The following TAFA4 variants were observed in gnomAD, a reference collection of about 807,000 sequenced individuals.
The protein encoded by TAFA4 is TAFA chemokine like family member 4.
A neutral mutation model predicts 21.1 loss-of-function variants in TAFA4; 20 were observed. The ratio of observed to expected loss-of-function variants is 0.95; its 90% CI spans 0.67 to 1.38. The LOEUF (loss-of-function observed/expected upper bound fraction) is 1.38. Ranked by LOEUF, TAFA4 falls within the 40% of genes most tolerant of loss-of-function variation. The pLI is 0.00. For synonymous variants in TAFA4, 71 were observed against 67.4 expected (o/e 1.05, Z -0.26); for missense variants, 211 against 180.9 (o/e 1.17, Z -0.95).
chr3:68,747,994 C>T (rs1702490575), intron 4 of TAFA4, among the ~76,000 whole-genome samples: 1 of 152,158 alleles, frequency 6.6e-6, no homozygotes, highest in South Asian at 2.1e-4. Context: ...CCTCCACCAT[C>T]ATATCCTTCT....
intron 4 of TAFA4, among the ~76,000 whole-genome samples, chr3:68,739,573 CAT>C (rs1702310321): frequency 6.6e-6 from 1 of 152,132 alleles, no homozygotes; most frequent in Non-Finnish European, 1.5e-5. Flanking sequence ...CACCTGCACT[CAT>C]ATGTTTATCA....
At chr3:68,749,457 T>C (rs554825491) in intron 4 of TAFA4, among the ~76,000 whole-genome samples, 5 of 152,336 alleles carry the variant, frequency 3.3e-5, no homozygotes, top group Admixed American at 6.5e-5. Flanking sequence ...CAGCAGAGAA[T>C]AGGTCTTCTC....
chr3:68,903,197 A>C (rs1489273665), intron 1 of TAFA4, among the ~76,000 whole-genome samples: 1 of 152,146 alleles, frequency 6.6e-6, no homozygotes, highest in African/African-American at 2.4e-5. Flanking sequence ...ACCCACCTAG[A>C]AAACAGGAGC....
chr3:68,797,065 C>A (rs1259650785), intron 3 of TAFA4, among the ~76,000 whole-genome samples: 2 of 152,128 alleles, frequency 1.3e-5, no homozygotes, highest in African/African-American at 2.4e-5. Context: ...TAAAATGGTA[C>A]AACTACTGTA....
intron 3 of TAFA4, among the ~76,000 whole-genome samples, chr3:68,809,626 AATT>A (rs1575618040): frequency 6.6e-6 from 1 of 151,804 alleles, no homozygotes; most frequent in East Asian, 1.9e-4. Flanking sequence ...AGCCAAAAAA[AATT>A]ATTGCCCAGA....
At chr3:68,807,577 C>T (rs2106837923) in intron 3 of TAFA4, among the ~76,000 whole-genome samples, 1 of 152,284 alleles carries the variant, frequency 6.6e-6, no homozygotes, top group East Asian at 1.9e-4. Context: ...ATCTGCAGGG[C>T]ATTCACATAG....
At chr3:68,752,537 G>C (rs1702574998) in intron 4 of TAFA4, among the ~76,000 whole-genome samples, 1 of 152,170 alleles carries the variant, frequency 6.6e-6, no homozygotes, top group African/African-American at 2.4e-5. Context: ...TGAGTAGAGA[G>C]CATAAGAGGA....
At chr3:68,918,738 A>C (rs1229907519) in intron 1 of TAFA4, among the ~76,000 whole-genome samples, 1 of 152,106 alleles carries the variant, frequency 6.6e-6, no homozygotes, top group Admixed American at 6.5e-5. Context: ...ACATGGTTTC[A>C]CCATGTTGCC....
chr3:68,867,229 C>T, intron 3 of TAFA4, among the ~76,000 whole-genome samples: 1 of 152,012 alleles, frequency 6.6e-6, no homozygotes, highest in Admixed American at 6.6e-5. Context: ...AATCGTCTGG[C>T]AACAGACTTC....
intron 3 of TAFA4, among the ~76,000 whole-genome samples, chr3:68,760,255 A>G (rs187895103): frequency 2.3e-3 from 357 of 152,318 alleles, no homozygotes; most frequent in African/African-American, 5.1e-3. Context: ...GCTTAAATAC[A>G]TATCATTTTT....
intron 3 of TAFA4, among the ~76,000 whole-genome samples, chr3:68,871,238 T>A (rs1284580932): frequency 1.3e-5 from 2 of 152,114 alleles, no homozygotes; most frequent in African/African-American, 2.4e-5. Flanking sequence ...ATCATTCTAC[T>A]GTAAAGACAC....
intron 1 of TAFA4, among the ~76,000 whole-genome samples, chr3:68,923,328 G>C (rs550335828): frequency 1.3e-5 from 2 of 152,082 alleles, no homozygotes; most frequent in African/African-American, 4.8e-5. Context: ...GTGACTAAAC[G>C]TGCCTTCCTT....
chr3:68,858,874 C>G (rs913663718), intron 3 of TAFA4, among the ~76,000 whole-genome samples: 2 of 151,732 alleles, frequency 1.3e-5, no homozygotes, highest in Admixed American at 1.3e-4. Context: ...TTTCTTCATT[C>G]TGGAATATCT....
At chr3:68,855,797 C>A (rs1705056324) in intron 3 of TAFA4, among the ~76,000 whole-genome samples, 1 of 151,998 alleles carries the variant, frequency 6.6e-6, no homozygotes, top group South Asian at 2.1e-4. Context: ...TGATTCATTC[C>A]AAAGTGGTCA....
chr3:68,866,037 T>C (rs116437751), intron 3 of TAFA4, among the ~76,000 whole-genome samples: 1,871 of 152,234 alleles, frequency 0.012, 29 homozygotes, highest in African/African-American at 0.043. Context: ...AGGGAAACTA[T>C]TCCTGCTTCA....
intron 3 of TAFA4, among the ~76,000 whole-genome samples, chr3:68,860,732 A>G (rs1289967745): frequency 1.3e-5 from 2 of 152,170 alleles, no homozygotes; most frequent in Non-Finnish European, 2.9e-5. Flanking sequence ...AAGAATCAAA[A>G]AAAATGCATT....
intron 3 of TAFA4, among the ~76,000 whole-genome samples, chr3:68,848,408 T>C (rs781772003): frequency 6.6e-5 from 10 of 152,234 alleles, no homozygotes; most frequent in Admixed American, 2.0e-4. Context: ...GCTTTCATTT[T>C]TTAGTTCTTT....
intron 1 of TAFA4, among the ~76,000 whole-genome samples, chr3:68,916,754 G>A (rs1287334292): frequency 6.6e-6 from 1 of 152,100 alleles, no homozygotes. Flanking sequence ...TTTCCCTTCT[G>A]CCTCTTATCC....
chr3:68,843,700 T>C (rs886610845), intron 3 of TAFA4, among the ~76,000 whole-genome samples: 2 of 152,264 alleles, frequency 1.3e-5, no homozygotes, highest in Non-Finnish European at 2.9e-5. Context: ...CACCAATACC[T>C]AGTTTACTGA....
Sources: gnomAD v4.1 joint callset for allele counts (sites outside exome capture counted in the v4.1 genomes callset) on GRCh38, gnomAD v4.1.1 for gene constraint, MANE v1.5 for transcripts, NCBI Gene and HGNC (gene_info 2026-07-23, HGNC 2026-07-21) for gene names.